The following SF3B3 variants were observed in gnomAD, a reference collection of about 807,000 sequenced individuals.
The protein encoded by SF3B3 is SAP 130.
Under a neutral mutation model 139.2 loss-of-function variants are expected in SF3B3, and 33 were observed. The ratio of observed to expected loss-of-function variants is 0.24; its 90% CI spans 0.18 to 0.32. The LOEUF is 0.32. SF3B3 is among the 10% of genes least tolerant of loss of function. The pLI is 1.00. For synonymous variants in SF3B3, 596 were observed against 563.6 expected, an observed-to-expected ratio of 1.06 and a Z score of -0.81; for missense variants, 818 against 1,509.4, an observed-to-expected ratio of 0.54 and a Z score of 7.59.
chr16:70,567,776 C>G (rs926129561), intron 21 of SF3B3, among the ~76,000 whole-genome samples: 1 of 152,206 alleles, frequency 6.6e-6, no homozygotes, highest in Non-Finnish European at 1.5e-5. Context: ...ACCTCCGCCT[C>G]CTGGGTTCAA....
intron 13 of SF3B3, among the ~76,000 whole-genome samples, chr16:70,555,495 A>T (rs1416742798): frequency 1.3e-5 from 2 of 151,598 alleles, no homozygotes; most frequent in African/African-American, 2.4e-5. Context: ...AAAAAAAAAA[A>T]AAAAAGCGAG....
At chr16:70,531,020 C>A in intron 4 of SF3B3, 103 bp downstream of exon 4, 2 of 1,024,484 alleles carry the variant, frequency 2.0e-6, no homozygotes, top group Non-Finnish European at 1.4e-6. Context: ...GTAATCCCAG[C>A]ACTTTGGGAG....
At chr16:70,531,461 G>T (rs2050121027) in intron 4 of SF3B3, among the ~76,000 whole-genome samples, 1 of 152,138 alleles carries the variant, frequency 6.6e-6, no homozygotes. Context: ...ATTTTTAGTA[G>T]AGATGGGGTT....
At chr16:70,548,553 A>C in intron 11 of SF3B3, 111 bp downstream of exon 11, 1 of 922,872 alleles carries the variant, frequency 1.1e-6, no homozygotes, top group Admixed American at 2.0e-5. Context: ...AGCACCATAT[A>C]CCAGAAACTT....
intron 6 of SF3B3, among the ~76,000 whole-genome samples, chr16:70,536,267 A>T (rs1405208488): frequency 6.6e-6 from 1 of 151,832 alleles, no homozygotes; most frequent in Non-Finnish European, 1.5e-5. Flanking sequence ...CCCCGGGTTC[A>T]AGTGATTTTC....
chr16:70,571,915 A>T lies in SF3B3; in HGVS notation c.*102A>T. ...TGCCATGTGGCAGGAGGGTGACTGG[A>T]TAATTAAGACTGCATTATGAAAGTC... On this transcript the variant is annotated 3_prime_UTR_variant, in exon 26 of 26. Transcript: ENST00000302516. The T allele has an allele frequency of 2.9e-6, 4 of 1,375,992 alleles. No homozygotes were observed. Among genetic ancestry groups the T allele is most frequent in the Non-Finnish European group, 4.0e-6 (4 of 999,668 alleles). The allele number at this position is 1,375,992 out of a possible 1,614,324, so 85.2% of individuals were successfully genotyped here. A position where few individuals can be genotyped will look rare whatever the true frequency, so the allele number is the denominator to read the frequency against.
chr16:70,570,296 G>A lies in SF3B3; in HGVS notation c.3408+147G>A. The A allele has an allele frequency of 7.2e-6, 5 of 692,686 alleles. No homozygotes were observed. The South Asian group carries it at 8.3e-5, about 12-fold the overall frequency. 42.9% of individuals were successfully genotyped at this position (692,686 alleles called of 1,614,324 possible). On this transcript the variant is annotated intron_variant, in intron 24 of 25. Coordinates refer to ENST00000302516, the MANE Select transcript of SF3B3 (RefSeq NM_012426.5). ...GTGACAGAAGTACTTGGGGAGATAGGAATCTTGATTCTCCCGCACCCAGGG... is the reference window on the plus strand; with the variant it reads ...GTGACAGAAGTACTTGGGGAGATAGAAATCTTGATTCTCCCGCACCCAGGG...
Position 70,568,452 on chromosome 16 carries a change from A to C in SF3B3, c.3122A>C (p.Tyr1041Ser). 1 of 1,614,048 alleles carries C rather than the reference A, an allele frequency of 6.2e-7. No homozygotes were observed. The highest frequency in any genetic ancestry group is 8.5e-7 in the Non-Finnish European group (1 of 1,179,906). Residue 1041 changes from tyrosine (Y) to serine (S), a missense_variant, in exon 22 of 26, where the codon TAT (tyrosine) becomes TCT (serine). Physicochemically the swap from Tyr to Ser is moderately radical, Grantham distance 144. Transcript: ENST00000302516. ...GTCACTACAGCCAGCCTCCTGGACT[A>C]TGACACTGTGGCTGGGGCAGACAAG... The part of the protein sequence containing the change: ...RWVTTASLLD[Y>S]DTVAGADKFG...
chr16:70,544,417 TCTAA>T lies in SF3B3; in HGVS notation c.1234-18_1234-15del, dbSNP rs1441518725. The T allele has an allele frequency of 4.6e-6, 7 of 1,507,238 alleles. No homozygotes were observed. The highest frequency in any genetic ancestry group is 1.4e-5 in the African/African-American group (1 of 72,638). The allele number at this position is 1,507,238 out of a possible 1,614,324, so 93.4% of individuals were successfully genotyped here. ...AAACAGCACTGGAGACATTTTTTCC[TCTAA>T]CTTTTTCTCTGTGCAGATAGCTGAT... On this transcript the variant is annotated splice_polypyrimidine_tract_variant and intron_variant, in intron 9 of 25. Transcript: ENST00000302516.
rs1272672392 is a variant in SF3B3, at chr16:70,569,030, C to T, written c.3166-13C>T. ...CGGGCCCCAGCAGTGTGACTTGTGT[C>T]ACTTCCTTGTAGGTGAGGCTCCCAC... On this transcript the variant is annotated splice_polypyrimidine_tract_variant and intron_variant, in intron 22 of 25. Transcript: ENST00000302516. 3 of 1,591,904 alleles carry T rather than the reference C, an allele frequency of 1.9e-6. No individual in the cohort carries two copies. The highest frequency in any genetic ancestry group is 2.6e-6 in the Non-Finnish European group (3 of 1,165,676).
intron 10 of SF3B3, 93 bp from the exon 11 acceptor site, chr16:70,548,277 C>A: frequency 9.9e-7 from 1 of 1,012,836 alleles, no homozygotes. Context: ...CGTTGTGAAC[C>A]CTGCCTTTGA....
chr16:70,566,195 T>G (rs2050474984), intron 20 of SF3B3, among the ~76,000 whole-genome samples: 1 of 152,004 alleles, frequency 6.6e-6, no homozygotes, highest in Admixed American at 6.6e-5. Context: ...AGTTTCAGTT[T>G]GGGAAGATGA....
intron 23 of SF3B3, chr16:70,569,780 C>T (rs2050510779): frequency 3.9e-6 from 2 of 507,652 alleles, no homozygotes; most frequent in Non-Finnish European, 3.5e-6. Flanking sequence ...TAGTACATGC[C>T]ACCAAACCTG....
chr16:70,552,417 T>C (rs148360628), intron 11 of SF3B3, among the ~76,000 whole-genome samples: 1 of 152,246 alleles, frequency 6.6e-6, no homozygotes, highest in African/African-American at 2.4e-5. Context: ...CTTGGTGTTA[T>C]GTAGAGATGG....
intron 8 of SF3B3, among the ~76,000 whole-genome samples, chr16:70,539,558 A>AT (rs398119477): frequency 6.6e-6 from 1 of 151,838 alleles, no homozygotes; most frequent in East Asian, 1.9e-4. Context: ...CAAAAAAAAA[A>AT]TAGTTGGCAG....
chr16:70,565,572 C>G, intron 20 of SF3B3, 48 bp downstream of exon 20: 3 of 1,559,510 alleles, frequency 1.9e-6, no homozygotes, highest in Non-Finnish European at 2.6e-6. Context: ...CCATTGAATT[C>G]TCTCACTTTT....
Position 70,562,405 on chromosome 16 carries a change from T to A in SF3B3, c.2288+621T>A, listed in dbSNP as rs2050437413. 7.2e-5 allele frequency among the ~76,000 whole-genome samples: 11 copies of A among 152,356 alleles called. No individual in the cohort carries two copies. In the South Asian group the frequency reaches 2.3e-3, roughly 32 times the overall value. Reference sequence around the variant, plus strand: ...AAACTATGGCCTCTTGATAGATTAATCACTATTGCTTATCAAATGAGCTCC... The same window carrying A: ...AAACTATGGCCTCTTGATAGATTAAACACTATTGCTTATCAAATGAGCTCC... On this transcript the variant is annotated intron_variant, in intron 17 of 25. Coordinates refer to ENST00000302516, the MANE Select transcript of SF3B3 (RefSeq NM_012426.5).
intron 2 of SF3B3, among the ~76,000 whole-genome samples, chr16:70,527,768 T>C (rs2050078374): frequency 6.7e-6 from 1 of 150,194 alleles, no homozygotes; most frequent in Non-Finnish European, 1.5e-5. Flanking sequence ...TTTTGTTTGT[T>C]TTGTTTTTGT....
At chr16:70,562,933 A>C (rs1010504984) in intron 17 of SF3B3, among the ~76,000 whole-genome samples, 2 of 151,718 alleles carry the variant, frequency 1.3e-5, no homozygotes, top group South Asian at 2.1e-4. Context: ...GGCTCAAGCT[A>C]TTTCTGCCTC....
Sources: allele counts gnomAD v4.1 joint callset (sites outside exome capture counted in the v4.1 genomes callset), GRCh38; gene constraint gnomAD v4.1.1; transcripts MANE v1.5; gene names NCBI Gene and HGNC (gene_info 2026-07-23, HGNC 2026-07-21).